GPR107: variants seen among roughly 807,000 people sequenced by gnomAD.
The protein encoded by GPR107 is protein GPR107.
In GPR107, 31 loss-of-function variants were observed where a neutral mutation model predicts 75.5. The ratio of observed to expected loss-of-function variants is 0.41; its 90% CI spans 0.31 to 0.55. The LOEUF (loss-of-function observed/expected upper bound fraction) is 0.55. Ranked by LOEUF, GPR107 falls within the 20% of genes least tolerant of loss-of-function variation. The pLI is 0.26. For missense variants in GPR107, 572 were observed against 665.7 expected, an observed-to-expected ratio of 0.86 and a Z score of 1.55; for synonymous variants, 267 against 251.3, an observed-to-expected ratio of 1.06 and a Z score of -0.59.
At position 130,135,949 on chromosome 9, in the gene GPR107, A is replaced by G. The variant is rs1434957852; in HGVS notation, c.*828A>G. On this transcript the variant is annotated 3_prime_UTR_variant, in exon 18 of 18. Transcript: ENST00000347136. ...CATCCACTCCCTGACAGCCCAGAGCAGCACTGTCTGGCTTCCCTTCATGCT... is the reference window on the plus strand; with the variant it reads ...CATCCACTCCCTGACAGCCCAGAGCGGCACTGTCTGGCTTCCCTTCATGCT... The G allele has an allele frequency of 1.3e-5, 2 of 152,288 alleles. No homozygotes were observed. The highest frequency in any genetic ancestry group is 2.9e-5 in the Non-Finnish European group (2 of 68,048). 9.4% of individuals were successfully genotyped at this position (152,288 alleles called of 1,614,324 possible).
intron 1 of GPR107, among the ~76,000 whole-genome samples, chr9:130,061,460 T>C (rs1829921978): frequency 6.6e-6 from 1 of 152,140 alleles, no homozygotes; most frequent in South Asian, 2.1e-4. Flanking sequence ...AGCATCTTCA[T>C]GTTCCCATGT....
chr9:130,120,401 TG>T (rs1319895325), intron 14 of GPR107, among the ~76,000 whole-genome samples: 1 of 152,164 alleles, frequency 6.6e-6, no homozygotes, highest in Admixed American at 6.5e-5. Context: ...TCCTCTCTTT[TG>T]CTCTCACCCC....
At chr9:130,099,327 A>C (rs1367155970) in intron 9 of GPR107, 130 bp from the exon 10 acceptor site, 1 of 604,030 alleles carries the variant, frequency 1.7e-6, no homozygotes, top group Non-Finnish European at 2.9e-6. Flanking sequence ...AAAAAAAAAA[A>C]AGTTTCATGT....
intron 17 of GPR107, among the ~76,000 whole-genome samples, chr9:130,131,577 C>T (rs570009225): frequency 6.6e-6 from 1 of 152,194 alleles, no homozygotes; most frequent in African/African-American, 2.4e-5. Flanking sequence ...TGCCCCCGGC[C>T]CCTCCTGAAT....
At chr9:130,088,090 C>G (rs200467919) in intron 7 of GPR107, among the ~76,000 whole-genome samples, 1 of 152,118 alleles carries the variant, frequency 6.6e-6, no homozygotes, top group Non-Finnish European at 1.5e-5. Flanking sequence ...TGAGAACTTG[C>G]AGGGTGCTCA....
intron 13 of GPR107, among the ~76,000 whole-genome samples, chr9:130,106,112 A>G (rs888814320): frequency 2.0e-5 from 3 of 152,162 alleles, no homozygotes; most frequent in Non-Finnish European, 4.4e-5. Context: ...ACTTTTACAC[A>G]TGCCACTATC....
intron 14 of GPR107, among the ~76,000 whole-genome samples, chr9:130,118,149 G>T (rs1417993401): frequency 2.0e-5 from 3 of 152,096 alleles, no homozygotes; most frequent in Non-Finnish European, 2.9e-5. Flanking sequence ...ACTTCTCCAG[G>T]CCTGAGTGTG....
At chr9:130,110,822 T>G (rs1001119505) in intron 14 of GPR107, among the ~76,000 whole-genome samples, 1 of 152,152 alleles carries the variant, frequency 6.6e-6, no homozygotes, top group Non-Finnish European at 1.5e-5. Flanking sequence ...TGTGGCCCCA[T>G]TGGCCCTCTG....
intron 12 of GPR107, among the ~76,000 whole-genome samples, chr9:130,102,115 A>G (rs1017868753): frequency 1.3e-5 from 2 of 152,216 alleles, no homozygotes; most frequent in Non-Finnish European, 1.5e-5. Flanking sequence ...GGAAGGATCA[A>G]GGAGGGCTTT....
intron 14 of GPR107, among the ~76,000 whole-genome samples, chr9:130,122,084 G>T (rs1296751744): frequency 6.6e-6 from 1 of 151,986 alleles, no homozygotes; most frequent in African/African-American, 2.4e-5. Context: ...TAGAGACGGG[G>T]GTTTCACCGT....
rs555491029 is a variant in GPR107, at chr9:130,127,027, TG to T, written c.1357-455del. Among the ~76,000 whole-genome samples the T allele has an allele frequency of 2.1e-3, 326 of 152,334 alleles. 2 individuals carry two copies. The highest frequency in any genetic ancestry group is 7.6e-3 in the African/African-American group (314 of 41,580). On this transcript the variant is annotated intron_variant, in intron 15 of 17. Coordinates refer to ENST00000347136, the MANE Select transcript of GPR107 (RefSeq NM_020960.5). ...GAACTTGGTAGTATTTGTACTTCTGTGAGTGTGGACCTCGAATGCTTGCAGC... is the reference window on the plus strand; with the variant it reads ...GAACTTGGTAGTATTTGTACTTCTGTAGTGTGGACCTCGAATGCTTGCAGC...
At chr9:130,114,764 T>C in intron 14 of GPR107, 4 of 900,844 alleles carry the variant, frequency 4.4e-6, no homozygotes, top group Non-Finnish European at 5.4e-6. Flanking sequence ...TTTTTAAAAG[T>C]GTGAAAAGGT....
chr9:130,093,866 G>GT (rs1380783175), intron 9 of GPR107, among the ~76,000 whole-genome samples: 1 of 152,068 alleles, frequency 6.6e-6, no homozygotes, highest in Non-Finnish European at 1.5e-5. Flanking sequence ...CCCCAGGCTG[G>GT]AGTGCAGTGC....
At chr9:130,070,328 G>C (rs1168716156) in intron 1 of GPR107, among the ~76,000 whole-genome samples, 1 of 152,094 alleles carries the variant, frequency 6.6e-6, no homozygotes, top group Non-Finnish European at 1.5e-5. Context: ...TTTTGAGACA[G>C]AGTCTCGCTC....
chr9:130,110,813 G>A (rs1273857775), intron 14 of GPR107, among the ~76,000 whole-genome samples: 1 of 152,150 alleles, frequency 6.6e-6, no homozygotes, highest in East Asian at 1.9e-4. Flanking sequence ...GCTGGGATCT[G>A]TGGCCCCATT....
intron 7 of GPR107, among the ~76,000 whole-genome samples, chr9:130,088,708 G>C (rs1830668547): frequency 6.6e-6 from 1 of 152,128 alleles, no homozygotes; most frequent in African/African-American, 2.4e-5. Context: ...TGCTCAGAGA[G>C]GTAATGTAAC....
chr9:130,085,708 A>G (rs1056407222), intron 6 of GPR107, among the ~76,000 whole-genome samples: 2 of 131,184 alleles, frequency 1.5e-5, no homozygotes, highest in East Asian at 2.5e-4. Context: ...TGCATGTATC[A>G]TTTCTTTTCA....
chr9:130,100,552 A>C (rs10081665), intron 10 of GPR107, 77 bp from the exon 11 acceptor site: 1,033,473 of 1,050,186 alleles, frequency 0.98, 508,663 homozygotes, highest in East Asian at 1. Context: ...AATTTCCCAA[A>C]TGGGTCCAAG....
At chr9:130,073,228 C>T (rs1249958871) in intron 1 of GPR107, among the ~76,000 whole-genome samples, 1 of 152,220 alleles carries the variant, frequency 6.6e-6, no homozygotes, top group Non-Finnish European at 1.5e-5. Flanking sequence ...TCTCCCTCTG[C>T]AGTCCTGCTC....
Sources: allele counts gnomAD v4.1 joint callset (sites outside exome capture counted in the v4.1 genomes callset), GRCh38; gene constraint gnomAD v4.1.1; transcripts MANE v1.5; gene names NCBI Gene and HGNC (gene_info 2026-07-23, HGNC 2026-07-21).